LTBP1: variants seen among roughly 807,000 people sequenced by gnomAD.
LTBP1 encodes the protein latent-transforming growth factor beta-binding protein 1.
In LTBP1, 129 loss-of-function variants were observed where a neutral mutation model predicts 207.6. The observed-to-expected ratio is 0.62, with a 90% CI of 0.54 to 0.72. The LOEUF (loss-of-function observed/expected upper bound fraction) is 0.72. LTBP1 is among the 30% of genes least tolerant of loss of function. LTBP1 has a pLI of 0.00. For synonymous variants in LTBP1, 963 were observed against 833.7 expected (o/e 1.16, Z -2.67); for missense variants, 2,281 against 2,217.2 (o/e 1.03, Z -0.58).
Position 33,390,357 on chromosome 2 carries a change from C to G in LTBP1, c.4834+1051C>G, listed in dbSNP as rs143923079. The stretch of plus-strand genomic sequence containing the variant: ...AATACAGACAATTTGAAGTCTGAAA[C>G]AGCAGGAGGTCCACAATGAAATATT... On this transcript the variant is annotated intron_variant, in intron 32 of 33. Transcript: ENST00000404816. Among the ~76,000 whole-genome samples the G allele has an allele frequency of 3.3e-3, 499 of 152,194 alleles. 1 individual carries two copies. The highest frequency in any genetic ancestry group is 0.011 in the African/African-American group (474 of 41,524).
chr2:33,240,100 C>T (rs1310393788), intron 9 of LTBP1, among the ~76,000 whole-genome samples: 4 of 151,890 alleles, frequency 2.6e-5, no homozygotes, highest in South Asian at 2.1e-4. Flanking sequence ...ACCATTCACC[C>T]GTCACGTTCC....
chr2:33,238,031 T>C (rs1459380990), intron 9 of LTBP1, among the ~76,000 whole-genome samples: 1 of 152,240 alleles, frequency 6.6e-6, no homozygotes, highest in African/African-American at 2.4e-5. Flanking sequence ...AAGTTGTTCT[T>C]TGGAAGTTTA....
intron 5 of LTBP1, among the ~76,000 whole-genome samples, chr2:33,158,936 C>T (rs1013790596): frequency 4.6e-5 from 7 of 152,200 alleles, no homozygotes; most frequent in African/African-American, 1.4e-4. Flanking sequence ...GACACATTCT[C>T]AGTCCAGCAC....
chr2:32,972,116 T>TG lies in LTBP1; in HGVS notation c.565+23172dup, dbSNP rs561070744. The stretch of plus-strand genomic sequence containing the variant: ...TGTTTGCAAGAGTCTCTGAGTTTTT[T>TG]GTTTTTTTTTTTCTGTGGATTCAGT... On this transcript the variant is annotated intron_variant, in intron 2 of 33. Coordinates refer to ENST00000404816, the MANE Select transcript of LTBP1 (RefSeq NM_206943.4). Among the ~76,000 whole-genome samples the TG allele has an allele frequency of 5.4e-3, 548 of 102,228 alleles. 1 individual carries two copies. Among genetic ancestry groups the TG allele is most frequent in the Non-Finnish European group, 0.011 (415 of 37,814 alleles). The allele number at this position is 102,228 out of a possible 152,430, so 67.1% of individuals were successfully genotyped here. A position where few individuals can be genotyped will look rare whatever the true frequency, so the allele number is the denominator to read the frequency against.
chr2:33,064,538 G>A (rs1307959727), intron 3 of LTBP1, among the ~76,000 whole-genome samples: 5 of 152,196 alleles, frequency 3.3e-5, no homozygotes, highest in Admixed American at 6.5e-5. Flanking sequence ...GATGTTACTC[G>A]TGTAGTAGGT....
At chr2:33,195,407 T>C (rs571366813) in intron 7 of LTBP1, among the ~76,000 whole-genome samples, 1 of 152,304 alleles carries the variant, frequency 6.6e-6, no homozygotes, top group East Asian at 1.9e-4. Context: ...TTAAATTAGA[T>C]ACTTGAAAAT....
chr2:32,960,955 CAA>C (rs1266395954), intron 2 of LTBP1, among the ~76,000 whole-genome samples: 1 of 152,054 alleles, frequency 6.6e-6, no homozygotes. Context: ...GATAAGATAA[CAA>C]GAGGGGACTG....
intron 4 of LTBP1, among the ~76,000 whole-genome samples, chr2:33,119,236 A>C (rs1042293491): frequency 1.8e-4 from 28 of 152,278 alleles, no homozygotes; most frequent in African/African-American, 6.3e-4. Flanking sequence ...CTGTAAAGCA[A>C]AGAAAAAGAA....
intron 4 of LTBP1, among the ~76,000 whole-genome samples, chr2:33,129,273 C>A (rs1327435772): frequency 1.3e-5 from 2 of 152,184 alleles, no homozygotes; most frequent in African/African-American, 4.8e-5. Context: ...CATACTTCTT[C>A]AGTTTAGGGA....
chr2:33,167,790 A>G (rs924249054), intron 5 of LTBP1, among the ~76,000 whole-genome samples: 2 of 152,236 alleles, frequency 1.3e-5, no homozygotes, highest in African/African-American at 4.8e-5. Context: ...GAACATGATG[A>G]CAGCAGCAGA....
intron 24 of LTBP1, among the ~76,000 whole-genome samples, chr2:33,334,712 G>A (rs146650679): frequency 5.9e-5 from 9 of 152,050 alleles, no homozygotes; most frequent in Non-Finnish European, 1.2e-4. Flanking sequence ...TGACAAAAAT[G>A]GAGCAGTGTT....
intron 5 of LTBP1, among the ~76,000 whole-genome samples, chr2:33,169,004 G>C (rs930992870): frequency 6.6e-6 from 1 of 152,342 alleles, no homozygotes; most frequent in South Asian, 2.1e-4. Flanking sequence ...GAGTTAGGGG[G>C]GAGCCATGGG....
intron 5 of LTBP1, among the ~76,000 whole-genome samples, chr2:33,169,345 C>G (rs145530840): frequency 8.9e-4 from 136 of 152,284 alleles, no homozygotes; most frequent in African/African-American, 2.9e-3. Context: ...CTCTCTCCCC[C>G]TCTGAAGCCT....
intron 5 of LTBP1, among the ~76,000 whole-genome samples, chr2:33,141,227 G>A (rs2150761687): frequency 6.6e-6 from 1 of 152,320 alleles, no homozygotes; most frequent in South Asian, 2.1e-4. Context: ...ATTTATATGA[G>A]ATGCCTAAAG....
intron 32 of LTBP1, among the ~76,000 whole-genome samples, chr2:33,391,043 A>C (rs1355501675): frequency 8.7e-5 from 12 of 137,364 alleles, no homozygotes; most frequent in Admixed American, 7.4e-5. Context: ...TCCCTTCTTC[A>C]TTCCCTCCTT....
chr2:33,189,577 G>A (rs1398921645), intron 7 of LTBP1, among the ~76,000 whole-genome samples: 1 of 152,184 alleles, frequency 6.6e-6, no homozygotes, highest in Non-Finnish European at 1.5e-5. Context: ...TGTGTCAGGC[G>A]TGAGATATGG....
At chr2:33,339,937 G>A (rs1039658202) in intron 24 of LTBP1, among the ~76,000 whole-genome samples, 5 of 152,048 alleles carry the variant, frequency 3.3e-5, no homozygotes, top group South Asian at 2.1e-4. Flanking sequence ...GAGCCACCGC[G>A]CCGGGCTTCA....
At position 33,222,104 on chromosome 2, in the gene LTBP1, T is replaced by A. The variant is rs1337251308; in HGVS notation, c.1829T>A (p.Met610Lys). ...KPSYHGYNQM[M>K]ECLPGYKRVN... Reference sequence around the variant, plus strand: ...GCTTATCATGGATACAACCAAATGATGGAATGCCTACCGGGTTATAAGCGG... The same window carrying A: ...GCTTATCATGGATACAACCAAATGAAGGAATGCCTACCGGGTTATAAGCGG... The change falls in exon 9 of 34, where the codon ATG (methionine) becomes AAG (lysine). Residue 610 changes from methionine to lysine, a missense_variant. Physicochemically the swap from Met to Lys is moderately conservative, Grantham distance 95. Around this residue, in one of 3 missense-constraint regions of LTBP1, gnomAD observed 1,671 missense variants for 1,634.8 expected, o/e 1.02. Transcript: ENST00000404816. The A allele has an allele frequency of 1.9e-6, 3 of 1,612,912 alleles. No individual in the cohort carries two copies. In the African/African-American group the frequency reaches 4.0e-5, roughly 21 times the overall value.
Position 32,960,180 on chromosome 2 carries a change from C to T in LTBP1, c.565+11235C>T, listed in dbSNP as rs75125773. The stretch of plus-strand genomic sequence containing the variant: ...TGAACTCCTCTGAGACTTTTCTCAA[C>T]CTTCAGACGGGAAGAGTACCCTCAT... On this transcript the variant is annotated intron_variant, in intron 2 of 33. Coordinates refer to ENST00000404816, the MANE Select transcript of LTBP1 (RefSeq NM_206943.4). Among the ~76,000 whole-genome samples, 370 of 152,192 alleles carry T rather than the reference C, an allele frequency of 2.4e-3. 3 individuals are homozygous for T. The highest frequency in any genetic ancestry group is 7.2e-3 in the African/African-American group (301 of 41,526).
Sources: allele counts gnomAD v4.1 joint callset (sites outside exome capture counted in the v4.1 genomes callset), GRCh38; gene constraint gnomAD v4.1.1; regional missense constraint gnomAD v4.1.1; transcripts MANE v1.5; gene names NCBI Gene and HGNC (gene_info 2026-07-23, HGNC 2026-07-21).